MARCHF4: variants seen among roughly 807,000 people sequenced by gnomAD.
MARCHF4 encodes the protein membrane associated ring-CH-type finger 4.
A neutral mutation model predicts 43.9 loss-of-function variants in MARCHF4; 14 were observed. That is an observed-to-expected ratio of 0.32 (90% CI 0.21 to 0.50). The LOEUF (loss-of-function observed/expected upper bound fraction) is 0.50, where lower values mean the gene tolerates loss of function less well. Among genes scored for constraint, MARCHF4 ranks in the 20% least tolerant of loss-of-function variants. The pLI is 0.98. For synonymous variants in MARCHF4, 226 were observed against 213.3 expected (o/e 1.06, Z -0.52); for missense variants, 468 against 536.7 (o/e 0.87, Z 1.27).
intron 1 of MARCHF4, among the ~76,000 whole-genome samples, chr2:216,299,780 A>G (rs1243752985): frequency 6.6e-6 from 1 of 152,210 alleles, no homozygotes; most frequent in East Asian, 1.9e-4. Context: ...AGTTGGCTGA[A>G]TGGTTCTGCT....
chr2:216,314,093 G>A (rs1225886518), intron 1 of MARCHF4, among the ~76,000 whole-genome samples: 1 of 152,324 alleles, frequency 6.6e-6, no homozygotes, highest in Middle Eastern at 3.4e-3. Context: ...ATAATCACAA[G>A]ATACTGTTTG....
Position 216,258,751 on chromosome 2 carries a change from C to G in MARCHF4, c.*561G>C, listed in dbSNP as rs1349822068. 6.5e-6 allele frequency: 1 copy of G among 152,958 alleles called. No homozygotes were observed. Among genetic ancestry groups the G allele is most frequent in the Non-Finnish European group, 1.5e-5 (1 of 68,308 alleles). The allele number at this position is 152,958 out of a possible 1,614,324, so 9.5% of individuals were successfully genotyped here. On this transcript the variant is annotated 3_prime_UTR_variant, in exon 4 of 4. Transcript: ENST00000273067. ...AGCATCCCTCCCTGACCATCCACCC[C>G]ACCATCCCCACAGCCATTTGTCAGC...
intron 3 of MARCHF4, among the ~76,000 whole-genome samples, chr2:216,262,017 C>T (rs1690749650): frequency 6.6e-6 from 1 of 152,124 alleles, no homozygotes; most frequent in Admixed American, 6.5e-5. Context: ...TCCATGGGCA[C>T]AGAAGGAGGG....
intron 1 of MARCHF4, among the ~76,000 whole-genome samples, chr2:216,346,176 T>A (rs998378332): frequency 1.3e-5 from 2 of 152,174 alleles, no homozygotes; most frequent in Non-Finnish European, 1.5e-5. Flanking sequence ...TCTTGGGAAA[T>A]CTGTCAGTTC....
intron 1 of MARCHF4, among the ~76,000 whole-genome samples, chr2:216,313,045 T>C (rs2105957490): frequency 6.6e-6 from 1 of 152,304 alleles, no homozygotes; most frequent in South Asian, 2.1e-4. Context: ...CCACCTTGAG[T>C]TAATTTTTGT....
At chr2:216,328,379 A>G (rs1393669894) in intron 1 of MARCHF4, among the ~76,000 whole-genome samples, 2 of 152,180 alleles carry the variant, frequency 1.3e-5, no homozygotes, top group African/African-American at 4.8e-5. Context: ...GTTGGCCAGA[A>G]TGGTCTCGAT....
intron 1 of MARCHF4, among the ~76,000 whole-genome samples, chr2:216,343,386 C>G (rs141474662): frequency 6.6e-6 from 1 of 152,236 alleles, no homozygotes; most frequent in African/African-American, 2.4e-5. Flanking sequence ...GAGCTTTAGT[C>G]TCTTGCTTTT....
intron 3 of MARCHF4, among the ~76,000 whole-genome samples, chr2:216,270,990 C>T (rs547749484): frequency 2.0e-5 from 3 of 152,210 alleles, no homozygotes; most frequent in Admixed American, 1.3e-4. Context: ...TCCATAGTTG[C>T]TAGAGTTCAA....
At chr2:216,290,444 A>G (rs768535652) in intron 1 of MARCHF4, among the ~76,000 whole-genome samples, 1 of 152,156 alleles carries the variant, frequency 6.6e-6, no homozygotes, top group Non-Finnish European at 1.5e-5. Context: ...ATGAAGTTAG[A>G]GATATAACAG....
chr2:216,262,310 C>G (rs1157308036), intron 3 of MARCHF4, among the ~76,000 whole-genome samples: 8 of 151,884 alleles, frequency 5.3e-5, no homozygotes, highest in African/African-American at 1.9e-4. Flanking sequence ...TTTTCTCCAC[C>G]CCTTCAAACT....
At chr2:216,342,093 T>G (rs1205610574) in intron 1 of MARCHF4, among the ~76,000 whole-genome samples, 2 of 152,176 alleles carry the variant, frequency 1.3e-5, no homozygotes, top group Non-Finnish European at 2.9e-5. Context: ...ATCTGAAGTG[T>G]GTATGTGTGT....
At chr2:216,315,437 G>T (rs558735236) in intron 1 of MARCHF4, among the ~76,000 whole-genome samples, 12 of 152,136 alleles carry the variant, frequency 7.9e-5, no homozygotes, top group African/African-American at 2.4e-4. Flanking sequence ...TTGTAAGGAA[G>T]CACCCTCAGT....
chr2:216,334,130 A>G (rs1375739540), intron 1 of MARCHF4, among the ~76,000 whole-genome samples: 1 of 152,176 alleles, frequency 6.6e-6, no homozygotes, highest in African/African-American at 2.4e-5. Context: ...AGATTGTCCT[A>G]GATCATCCAG....
intron 1 of MARCHF4, among the ~76,000 whole-genome samples, chr2:216,359,628 G>C (rs1308430026): frequency 1.3e-5 from 2 of 152,198 alleles, no homozygotes; most frequent in Admixed American, 1.3e-4. Context: ...GCTCATGAAG[G>C]TGCCAGCAGT....
intron 1 of MARCHF4, among the ~76,000 whole-genome samples, chr2:216,307,291 G>A (rs1007514068): frequency 5.3e-5 from 8 of 152,156 alleles, no homozygotes; most frequent in Non-Finnish European, 1.0e-4. Context: ...ATCTAGAAAG[G>A]AAGAGCATGG....
intron 1 of MARCHF4, among the ~76,000 whole-genome samples, chr2:216,319,071 GC>G (rs2105961701): frequency 6.6e-6 from 1 of 152,240 alleles, no homozygotes; most frequent in Admixed American, 6.5e-5. Context: ...ACTTTGCGGG[GC>G]TGAGGCAGGC....
chr2:216,283,772 T>A lies in MARCHF4; in HGVS notation c.517-43A>T, dbSNP rs546519919. On this transcript the variant is annotated intron_variant, in intron 1 of 3. Coordinates refer to ENST00000273067, the MANE Select transcript of MARCHF4 (RefSeq NM_020814.3). Reference sequence around the variant, plus strand: ...AGGGTGATGAGGCTGAGACCTACAGTGGCTGGTGGGTGAGTGATGGGCGGG... The same window carrying A: ...AGGGTGATGAGGCTGAGACCTACAGAGGCTGGTGGGTGAGTGATGGGCGGG... The A allele has an allele frequency of 1.2e-4, 185 of 1,533,312 alleles. 5 individuals carry two copies. The South Asian group carries it at 2.2e-3, about 18-fold the overall frequency. 95.0% of individuals were successfully genotyped at this position (1,533,312 alleles called of 1,614,324 possible).
intron 1 of MARCHF4, among the ~76,000 whole-genome samples, chr2:216,293,859 T>C (rs6733835): frequency 0.26 from 34,514 of 134,344 alleles, 9,212 homozygotes; most frequent in African/African-American, 0.44. Context: ...CCAAGCTATA[T>C]GGGGTCTGGC....
intron 1 of MARCHF4, among the ~76,000 whole-genome samples, chr2:216,330,487 G>A (rs1234581945): frequency 1.3e-5 from 2 of 152,082 alleles, no homozygotes; most frequent in Non-Finnish European, 2.9e-5. Flanking sequence ...GGATATGAAA[G>A]ATCTGAAAAA....
Sources: gnomAD v4.1 joint callset for allele counts (sites outside exome capture counted in the v4.1 genomes callset) on GRCh38, gnomAD v4.1.1 for gene constraint, MANE v1.5 for transcripts, NCBI Gene and HGNC (gene_info 2026-07-23, HGNC 2026-07-21) for gene names.